Variants in FGF12 observed in about 807,000 individuals in gnomAD.
The protein encoded by FGF12 is fibroblast growth factor 12B.
Under a neutral mutation model 23.6 loss-of-function variants are expected in FGF12, and 14 were observed. The ratio of observed to expected loss-of-function variants is 0.59; its 90% CI spans 0.39 to 0.93. The LOEUF is 0.93. Among genes scored for constraint, FGF12 ranks in the 40% least tolerant of loss-of-function variants. The probability of loss-of-function intolerance (pLI) is 0.00; values close to 1 mark genes in which losing one functional copy is unlikely to be tolerated. For missense variants in FGF12, 175 were observed against 217.8 expected (o/e 0.80, Z 1.24); for synonymous variants, 62 against 77.3 (o/e 0.80, Z 1.04).
At chr3:192,602,893 T>C (rs912712409) in intron 2 of FGF12, among the ~76,000 whole-genome samples, 1 of 151,956 alleles carries the variant, frequency 6.6e-6, no homozygotes, top group African/African-American at 2.4e-5. Context: ...CATATGAAAA[T>C]CAATAAATGT....
chr3:192,378,080 T>TTCTGTCTG (rs1553805089), intron 2 of FGF12, among the ~76,000 whole-genome samples: 1 of 105,810 alleles, frequency 9.5e-6, no homozygotes, highest in East Asian at 3.1e-4. Context: ...CTTTCTTTCT[T>TTCTGTCTG]TCTTTCTTTC....
rs1425053298 is a variant in FGF12 at position 192,408,148 on chromosome 3, C to A, written c.14-47610G>T. ...CTGGGGCTGGAGCGGCGCTTGGAGG[C>A]CGACACTCGGTCGCTGTTGGACTCC... On this transcript the variant is annotated intron_variant, in intron 2 of 5. Transcript: ENST00000445105. The surrounding 1 kb of genome is among the most constrained non-coding windows in gnomAD (Gnocchi z 7.3). 1 of 1,611,868 alleles carries A rather than the reference C, an allele frequency of 6.2e-7. No individual in the cohort carries two copies. Among genetic ancestry groups the A allele is most frequent in the East Asian group, 2.2e-5 (1 of 44,834 alleles).
intron 2 of FGF12, among the ~76,000 whole-genome samples, chr3:192,395,700 A>G (rs925053761): frequency 2.6e-5 from 4 of 152,200 alleles, no homozygotes; most frequent in Non-Finnish European, 5.9e-5. Context: ...AACCGCAGAC[A>G]ACAGTGCAGG....
chr3:192,512,920 G>T (rs962952504), intron 2 of FGF12, among the ~76,000 whole-genome samples: 4 of 140,830 alleles, frequency 2.8e-5, no homozygotes, highest in African/African-American at 5.3e-5. Context: ...TCAAAGATGG[G>T]TAGTGACTTA....
intron 4 of FGF12, among the ~76,000 whole-genome samples, chr3:192,333,149 C>A (rs1357298483): frequency 6.6e-6 from 1 of 152,052 alleles, no homozygotes; most frequent in South Asian, 2.1e-4. Context: ...AACCACAACC[C>A]AGCAATCCCT....
At chr3:192,542,020 T>C (rs960482315) in intron 2 of FGF12, among the ~76,000 whole-genome samples, 5 of 147,362 alleles carry the variant, frequency 3.4e-5, no homozygotes, top group Non-Finnish European at 7.4e-5. Context: ...CACATCACCA[T>C]GCCTGGCATT....
At chr3:192,706,818 T>C (rs1201336199) in intron 2 of FGF12, among the ~76,000 whole-genome samples, 1 of 152,196 alleles carries the variant, frequency 6.6e-6, no homozygotes, top group Non-Finnish European at 1.5e-5. Flanking sequence ...GTTACAGAGA[T>C]AGAATCAAAG....
At chr3:192,595,563 T>C (rs1016088279) in intron 2 of FGF12, among the ~76,000 whole-genome samples, 1 of 152,200 alleles carries the variant, frequency 6.6e-6, no homozygotes, top group Non-Finnish European at 1.5e-5. Flanking sequence ...AAACACAGAT[T>C]GCTGGGCTAC....
chr3:192,154,901 C>T (rs1270802590), intron 5 of FGF12, among the ~76,000 whole-genome samples: 4 of 137,014 alleles, frequency 2.9e-5, no homozygotes, highest in African/African-American at 1.1e-4. Context: ...TGGCGGGCGC[C>T]CCTCCCCCAG....
intron 2 of FGF12, among the ~76,000 whole-genome samples, chr3:192,724,978 C>T (rs1323954554): frequency 6.6e-6 from 1 of 152,122 alleles, no homozygotes; most frequent in Admixed American, 6.5e-5. Flanking sequence ...TATATACATA[C>T]ATTTGAGAAT....
At chr3:192,255,156 A>C (rs1294891645) in intron 4 of FGF12, among the ~76,000 whole-genome samples, 2 of 152,058 alleles carry the variant, frequency 1.3e-5, no homozygotes, top group Non-Finnish European at 2.9e-5. Context: ...CAGCTCTCTC[A>C]TAAAAGGCTA....
Position 192,408,101 on chromosome 3 carries a change from G to T in FGF12, c.14-47563C>A. ...TGAACACCCCGAGGACGTGCCTCTC[G>T]CACAGGGAGCGCCCGTCTTTGCTGG... On this transcript the variant is annotated intron_variant, in intron 2 of 5. Coordinates refer to ENST00000445105, the MANE Select transcript of FGF12 (RefSeq NM_004113.6). This position sits in a 1 kb window ranked among gnomAD's most constrained non-coding sequence, Gnocchi z 7.3. 1 of 1,613,102 alleles carries T rather than the reference G, an allele frequency of 6.2e-7. No homozygotes were observed. Among genetic ancestry groups the T allele is most frequent in the Non-Finnish European group, 8.5e-7 (1 of 1,180,000 alleles).
At chr3:192,384,578 C>G (rs1316430172) in intron 2 of FGF12, among the ~76,000 whole-genome samples, 1 of 152,164 alleles carries the variant, frequency 6.6e-6, no homozygotes, top group Non-Finnish European at 1.5e-5. Context: ...GTGATGACTT[C>G]TCTTTATAAC....
chr3:192,495,727 C>T (rs899187740), intron 2 of FGF12, among the ~76,000 whole-genome samples: 3 of 152,090 alleles, frequency 2.0e-5, no homozygotes, highest in Admixed American at 6.6e-5. Flanking sequence ...AGTGCAGTGG[C>T]GTAATTATGG....
rs1717416152 is a variant in FGF12 at position 192,336,338 on chromosome 3, C to T, written c.125-874G>A. On this transcript the variant is annotated intron_variant, in intron 3 of 5. Transcript: ENST00000445105. The surrounding 1 kb of genome is among the most constrained non-coding windows in gnomAD (Gnocchi z 4.3). ...CAAAATACTCAATAGTCTATATGTCCACTTAGAGAAGGAATTCGTAGATCA... is the reference window on the plus strand; with the variant it reads ...CAAAATACTCAATAGTCTATATGTCTACTTAGAGAAGGAATTCGTAGATCA... 6.6e-6 allele frequency among the ~76,000 whole-genome samples: 1 copy of T among 151,906 alleles called. No individual in the cohort carries two copies. The highest frequency in any genetic ancestry group is 2.1e-4 in the South Asian group (1 of 4,812).
Position 192,472,378 on chromosome 3 carries a change from G to A in FGF12, c.14-111840C>T, listed in dbSNP as rs531978663. 2.0e-4 allele frequency among the ~76,000 whole-genome samples: 31 copies of A among 152,108 alleles called. No homozygotes were observed. In the South Asian group the frequency reaches 5.8e-3, roughly 29 times the overall value. ...TGTCCGTATTGGGTCAGGCCTCTCC[G>A]GTCATCCAGTCCAGCTACACCAGTG... On this transcript the variant is annotated intron_variant, in intron 2 of 5. Transcript: ENST00000445105.
At chr3:192,672,522 C>G (rs1717162746) in intron 2 of FGF12, among the ~76,000 whole-genome samples, 1 of 150,802 alleles carries the variant, frequency 6.6e-6, no homozygotes, top group Non-Finnish European at 1.5e-5. Context: ...TTACCCATGA[C>G]TAATCATCAC....
At chr3:192,531,435 G>A (rs1725087731) in intron 2 of FGF12, among the ~76,000 whole-genome samples, 1 of 152,076 alleles carries the variant, frequency 6.6e-6, no homozygotes, top group South Asian at 2.1e-4. Context: ...AAAAAAGAAA[G>A]AAAGAAAAGG....
chr3:192,521,022 AAAAAG>A (rs1724800481), intron 2 of FGF12, among the ~76,000 whole-genome samples: 8 of 152,208 alleles, frequency 5.3e-5, no homozygotes, highest in Admixed American at 5.2e-4. Flanking sequence ...AGCCTCCTAG[AAAAAG>A]AAATGCTGGG....
Sources: allele counts gnomAD v4.1 joint callset (sites outside exome capture counted in the v4.1 genomes callset), GRCh38; gene constraint gnomAD v4.1.1; non-coding constraint Gnocchi (gnomAD v3.1); transcripts MANE v1.5; gene names NCBI Gene and HGNC (gene_info 2026-07-23, HGNC 2026-07-21).